Variants in GLG1 observed in about 807,000 individuals in gnomAD.
The protein encoded by GLG1 is golgi glycoprotein 1, also known as Golgi apparatus protein 1.
A neutral mutation model predicts 160.5 loss-of-function variants in GLG1; 38 were observed. That is an observed-to-expected ratio of 0.24 (90% CI 0.18 to 0.31). The LOEUF is 0.31. Ranked by LOEUF, GLG1 falls within the 10% of genes least tolerant of loss-of-function variation. GLG1 has a pLI of 1.00. For synonymous variants in GLG1, 644 were observed against 543.4 expected, an observed-to-expected ratio of 1.19 and a Z score of -2.57; for missense variants, 1,373 against 1,505.2, an observed-to-expected ratio of 0.91 and a Z score of 1.45.
intron 3 of GLG1, among the ~76,000 whole-genome samples, chr16:74,505,191 C>T (rs549682646): frequency 9.2e-5 from 14 of 152,194 alleles, no homozygotes; most frequent in African/African-American, 3.4e-4. Context: ...GGACACACCA[C>T]CGAGGAATTA....
At chr16:74,605,988 G>A (rs551900832) in intron 1 of GLG1, among the ~76,000 whole-genome samples, 126 of 152,226 alleles carry the variant, frequency 8.3e-4, no homozygotes, top group African/African-American at 3.0e-3. Context: ...ATTTCATTAA[G>A]AGATACTGTT....
At chr16:74,554,510 T>A (rs2018299919) in intron 1 of GLG1, among the ~76,000 whole-genome samples, 1 of 152,100 alleles carries the variant, frequency 6.6e-6, no homozygotes, top group Non-Finnish European at 1.5e-5. Flanking sequence ...CCAGCCTGGG[T>A]GACAGAAAAA....
At chr16:74,604,357 T>G (rs1958515194) in intron 1 of GLG1, among the ~76,000 whole-genome samples, 1 of 152,022 alleles carries the variant, frequency 6.6e-6, no homozygotes, top group African/African-American at 2.4e-5. Context: ...TTCGGAAGGG[T>G]GTGCACAGAT....
chr16:74,573,670 T>A (rs977788401), intron 1 of GLG1, among the ~76,000 whole-genome samples: 10 of 148,418 alleles, frequency 6.7e-5, no homozygotes, highest in Non-Finnish European at 1.2e-4. Flanking sequence ...CCCCAGTAGC[T>A]GGGACTACAG....
In GLG1 at chr16:74,468,971, T is replaced by C; in HGVS notation, c.2411A>G (p.Gln804Arg). Residue 804 changes from glutamine (Q) to arginine (R), a missense_variant, in exon 17 of 26, where the codon CAG becomes CGG. By Grantham distance (43) the Gln-to-Arg change is conservative. This residue lies in a region of GLG1 where 491 missense variants were observed against 632.1 expected (regional missense o/e 0.78). Transcript: ENST00000422840. ...CATCTCCAGCTCCTCCACACGGAGC[T>C]GCCTGCGGCACTTCAGGGACACCCT... ...EHRVSLKCRR[Q>R]LRVEELEMTE... The C allele has an allele frequency of 1.2e-6, 2 of 1,609,852 alleles. No individual in the cohort carries two copies. Among genetic ancestry groups the C allele is most frequent in the Non-Finnish European group, 1.7e-6 (2 of 1,176,058 alleles).
At chr16:74,589,613 A>T (rs1958129773) in intron 1 of GLG1, among the ~76,000 whole-genome samples, 2 of 152,206 alleles carry the variant, frequency 1.3e-5, no homozygotes, top group Admixed American at 1.3e-4. Flanking sequence ...ATGTGTATGG[A>T]GCCAGTGCGA....
intron 1 of GLG1, among the ~76,000 whole-genome samples, chr16:74,590,373 T>G (rs1388123383): frequency 6.6e-6 from 1 of 151,776 alleles, no homozygotes; most frequent in East Asian, 2.0e-4. Flanking sequence ...ATCCCAGCAC[T>G]CTGGGAGGCC....
intron 1 of GLG1, among the ~76,000 whole-genome samples, chr16:74,557,580 G>A (rs1171994421): frequency 1.3e-5 from 2 of 152,164 alleles, no homozygotes; most frequent in East Asian, 3.8e-4. Flanking sequence ...AAGATTTCAG[G>A]AAAACAGACC....
At position 74,607,083 on chromosome 16, in the gene GLG1, A is replaced by G. The variant is rs765863612; in HGVS notation, c.12T>C (p.Cys4=). The G allele has an allele frequency of 3.9e-6, 6 of 1,551,912 alleles. No homozygotes were observed. The highest frequency in any genetic ancestry group is 2.3e-5 in the South Asian group (2 of 85,904). Residue 4 remains cysteine, a synonymous_variant, in exon 1 of 26, where the codon TGT becomes TGC. Coordinates refer to ENST00000422840, the MANE Select transcript of GLG1 (RefSeq NM_001145667.2). MAA[C]GRVRRMFRLS... Reference sequence around the variant, plus strand: ...AGCGGAACATCCTCCGTACACGTCCACACGCCGCCATCTTGAGTCCGCGGC... The same window carrying G: ...AGCGGAACATCCTCCGTACACGTCCGCACGCCGCCATCTTGAGTCCGCGGC...
chr16:74,479,238 CAAAAAA>C (rs11343790), intron 11 of GLG1, among the ~76,000 whole-genome samples: 2 of 85,760 alleles, frequency 2.3e-5, no homozygotes, highest in Non-Finnish European at 2.3e-5. Flanking sequence ...GGCTTTGTCT[CAAAAAA>C]AAAAAAAAAA....
chr16:74,502,722 G>GTTTTT (rs745410150), intron 4 of GLG1, among the ~76,000 whole-genome samples: 11 of 109,572 alleles, frequency 1.0e-4, no homozygotes, highest in Non-Finnish European at 1.4e-4. Flanking sequence ...TTTGTTTTTG[G>GTTTTT]TTTTTTTTTT....
intron 1 of GLG1, among the ~76,000 whole-genome samples, chr16:74,604,606 G>C (rs1958521699): frequency 6.6e-6 from 1 of 152,226 alleles, no homozygotes; most frequent in Admixed American, 6.5e-5. Context: ...TCTACTTACT[G>C]AACAGCAAAT....
At chr16:74,512,246 C>T (rs1461593622) in intron 2 of GLG1, among the ~76,000 whole-genome samples, 2 of 148,286 alleles carry the variant, frequency 1.3e-5, no homozygotes, top group African/African-American at 4.9e-5. Flanking sequence ...GAAGCCTCCG[C>T]CTGGGTGACA....
intron 2 of GLG1, among the ~76,000 whole-genome samples, chr16:74,518,349 G>C (rs746667550): frequency 1.4e-4 from 21 of 152,240 alleles, no homozygotes; most frequent in Middle Eastern, 3.4e-3. Context: ...TACCAAAACA[G>C]ATATACAGGC....
intron 22 of GLG1, among the ~76,000 whole-genome samples, chr16:74,461,125 A>T (rs2014774414): frequency 6.6e-6 from 1 of 152,028 alleles, no homozygotes; most frequent in South Asian, 2.1e-4. Context: ...GAAGTCCAAT[A>T]ATCTCCAAAG....
At chr16:74,462,723 A>G in intron 20 of GLG1, 93 bp from the exon 21 acceptor site, 2 of 1,121,060 alleles carry the variant, frequency 1.8e-6, no homozygotes, top group Non-Finnish European at 2.7e-6. Context: ...ATATTATGTC[A>G]ATGATCATGA....
chr16:74,569,226 T>A (rs1335426323), intron 1 of GLG1, among the ~76,000 whole-genome samples: 1 of 152,222 alleles, frequency 6.6e-6, no homozygotes, highest in African/African-American at 2.4e-5. Flanking sequence ...AACCTCGAAC[T>A]GTGAGAATGA....
chr16:74,584,100 G>A (rs1242358886), intron 1 of GLG1, among the ~76,000 whole-genome samples: 1 of 152,016 alleles, frequency 6.6e-6, no homozygotes, highest in Non-Finnish European at 1.5e-5. Flanking sequence ...TCAATTCATA[G>A]TGCCCCGAGT....
chr16:74,511,575 CTTTT>C (rs10595609), intron 2 of GLG1, among the ~76,000 whole-genome samples: 9 of 111,262 alleles, frequency 8.1e-5, no homozygotes, highest in Non-Finnish European at 1.2e-4. Flanking sequence ...TAACTTGAAC[CTTTT>C]TTTTTTAAAA....
Sources: allele counts gnomAD v4.1 joint callset (sites outside exome capture counted in the v4.1 genomes callset), GRCh38; gene constraint gnomAD v4.1.1; regional missense constraint gnomAD v4.1.1; transcripts MANE v1.5; gene names NCBI Gene and HGNC (gene_info 2026-07-23, HGNC 2026-07-21).